CNTNAP2: variants seen among roughly 807,000 people sequenced by gnomAD.
CNTNAP2 encodes contactin associated protein 2.
A neutral mutation model predicts 155.2 loss-of-function variants in CNTNAP2; 98 were observed. That is an observed-to-expected ratio of 0.63 (90% CI 0.54 to 0.75). CNTNAP2 has a LOEUF of 0.75. CNTNAP2 is among the 30% of genes least tolerant of loss of function. The probability of loss-of-function intolerance (pLI) is 0.00; values close to 1 mark genes in which losing one functional copy is unlikely to be tolerated. For synonymous variants in CNTNAP2, 651 were observed against 631.2 expected (o/e 1.03, Z -0.47); for missense variants, 1,727 against 1,688.1 (o/e 1.02, Z -0.40).
intron 1 of CNTNAP2, among the ~76,000 whole-genome samples, chr7:146,563,012 G>A (rs1798302987): frequency 6.6e-6 from 1 of 152,148 alleles, no homozygotes; most frequent in African/African-American, 2.4e-5. Context: ...TACAGACACA[G>A]ATTAAAGTTT....
chr7:147,201,076 A>T (rs1802912778), intron 8 of CNTNAP2, among the ~76,000 whole-genome samples: 1 of 152,226 alleles, frequency 6.6e-6, no homozygotes, highest in Non-Finnish European at 1.5e-5. Context: ...AGTGGAGGCT[A>T]AAGCCTAATT....
intron 1 of CNTNAP2, among the ~76,000 whole-genome samples, chr7:146,627,659 A>G (rs1799442178): frequency 1.3e-5 from 2 of 152,152 alleles, no homozygotes; most frequent in Non-Finnish European, 2.9e-5. Context: ...CCTTCACAGT[A>G]TACATTTTGC....
chr7:147,859,835 C>A (rs1382525232), intron 13 of CNTNAP2, among the ~76,000 whole-genome samples: 1 of 152,100 alleles, frequency 6.6e-6, no homozygotes, highest in Non-Finnish European at 1.5e-5. Flanking sequence ...GTATCATTAT[C>A]CATTAAGAAA....
At chr7:148,221,247 G>A (rs918976343) in intron 19 of CNTNAP2, among the ~76,000 whole-genome samples, 1 of 152,162 alleles carries the variant, frequency 6.6e-6, no homozygotes, top group Non-Finnish European at 1.5e-5. Flanking sequence ...ATGGTGCCAT[G>A]CATTAATTCC....
intron 22 of CNTNAP2, among the ~76,000 whole-genome samples, chr7:148,405,332 C>A (rs537431832): frequency 2.0e-4 from 30 of 151,994 alleles, no homozygotes; most frequent in Admixed American, 1.7e-3. Flanking sequence ...ATTCTCCTTG[C>A]GTCATCTCAG....
At chr7:147,060,730 G>A (rs1318456517) in intron 4 of CNTNAP2, among the ~76,000 whole-genome samples, 2 of 152,152 alleles carry the variant, frequency 1.3e-5, no homozygotes, top group Non-Finnish European at 2.9e-5. Context: ...CAGGCGTGGT[G>A]GCGGGCGCCT....
chr7:148,106,493 G>GATATATATATAT lies in CNTNAP2; in HGVS notation c.2384-11609_2384-11598dup, dbSNP rs10532740. Among the ~76,000 whole-genome samples the GATATATATATAT allele has an allele frequency of 2.0e-3, 250 of 124,886 alleles. 3 individuals are homozygous for GATATATATATAT. The highest frequency in any genetic ancestry group is 7.7e-3 in the African/African-American group (224 of 28,970). 81.9% of individuals were successfully genotyped at this position (124,886 alleles called of 152,430 possible). On this transcript the variant is annotated intron_variant, in intron 15 of 23. Coordinates refer to ENST00000361727, the MANE Select transcript of CNTNAP2 (RefSeq NM_014141.6). ...CACTTCAGTGTACTGCACACTTTGA[G>GATATATATATAT]ATATATATATATATATATATATATA...
chr7:148,388,598 G>A (rs952622758), intron 22 of CNTNAP2, among the ~76,000 whole-genome samples: 3 of 152,096 alleles, frequency 2.0e-5, no homozygotes, highest in Non-Finnish European at 4.4e-5. Context: ...AGTGGAGGAG[G>A]AGAGGTGCTC....
At chr7:146,651,733 A>G (rs1393739325) in intron 1 of CNTNAP2, among the ~76,000 whole-genome samples, 1 of 152,194 alleles carries the variant, frequency 6.6e-6, no homozygotes, top group Non-Finnish European at 1.5e-5. Context: ...CACTGGCTAC[A>G]AAAACCAATG....
At chr7:148,171,315 C>G (rs929896110) in intron 17 of CNTNAP2, among the ~76,000 whole-genome samples, 1 of 152,096 alleles carries the variant, frequency 6.6e-6, no homozygotes, top group African/African-American at 2.4e-5. Context: ...CTATTTCTTT[C>G]AACAGTTTTA....
At chr7:147,293,768 A>T (rs1805361785) in intron 8 of CNTNAP2, among the ~76,000 whole-genome samples, 1 of 152,180 alleles carries the variant, frequency 6.6e-6, no homozygotes, top group African/African-American at 2.4e-5. Flanking sequence ...CAAGAGTCTT[A>T]CTTTAAAAAT....
chr7:147,323,970 C>CT lies in CNTNAP2; in HGVS notation c.1498+23688dup, dbSNP rs200783310. On this transcript the variant is annotated intron_variant, in intron 9 of 23. Coordinates refer to ENST00000361727, the MANE Select transcript of CNTNAP2 (RefSeq NM_014141.6). ...AATAATGTGGATGGTTATCTAAGAGCTTTTTTTTCTTTAGCTTAGAAAGCA... is the reference window on the plus strand; with the variant it reads ...AATAATGTGGATGGTTATCTAAGAGCTTTTTTTTTCTTTAGCTTAGAAAGCA... 6.2e-3 allele frequency among the ~76,000 whole-genome samples: 934 copies of CT among 150,988 alleles called. 10 individuals are homozygous for CT. Among genetic ancestry groups the CT allele is most frequent in the Middle Eastern group, 0.01 (3 of 294 alleles).
chr7:146,421,685 A>C (rs934943303), intron 1 of CNTNAP2, among the ~76,000 whole-genome samples: 4 of 151,964 alleles, frequency 2.6e-5, no homozygotes, highest in Admixed American at 1.3e-4. Context: ...TCAAATCCAC[A>C]TTTATTACAA....
At chr7:147,177,060 A>C (rs935492510) in intron 8 of CNTNAP2, among the ~76,000 whole-genome samples, 5 of 145,466 alleles carry the variant, frequency 3.4e-5, no homozygotes, top group Non-Finnish European at 7.5e-5. Context: ...TATTCTGTAT[A>C]ATACATACAC....
intron 13 of CNTNAP2, among the ~76,000 whole-genome samples, chr7:147,796,581 T>TA (rs777414793): frequency 0.17 from 15,081 of 87,274 alleles, 838 homozygotes; most frequent in African/African-American, 0.31. Flanking sequence ...CCAGGATTTA[T>TA]TAAAAAAAAA....
chr7:147,564,349 T>A (rs2116794118), intron 12 of CNTNAP2, among the ~76,000 whole-genome samples: 1 of 152,204 alleles, frequency 6.6e-6, no homozygotes, highest in South Asian at 2.1e-4. Context: ...AATCTAAGAG[T>A]TCACTGACAG....
chr7:146,233,893 CTT>C (rs1227107510), intron 1 of CNTNAP2, among the ~76,000 whole-genome samples: 1 of 150,316 alleles, frequency 6.7e-6, no homozygotes, highest in Non-Finnish European at 1.5e-5. Flanking sequence ...GGTTCCAAGT[CTT>C]TGCTATTGTG....
intron 3 of CNTNAP2, among the ~76,000 whole-genome samples, chr7:146,916,825 G>T (rs1479647528): frequency 6.6e-6 from 1 of 151,876 alleles, no homozygotes; most frequent in Non-Finnish European, 1.5e-5. Flanking sequence ...ATTTAGTTCT[G>T]CTCTGATCTG....
In CNTNAP2 at chr7:147,786,169, A is replaced by G. The variant is rs564112285; in HGVS notation, c.2099-117396A>G. Among the ~76,000 whole-genome samples the G allele has an allele frequency of 1.5e-4, 23 of 152,274 alleles. No homozygotes were observed. The East Asian group carries it at 4.3e-3, about 28-fold the overall frequency. On this transcript the variant is annotated intron_variant, in intron 13 of 23. Coordinates refer to ENST00000361727, the MANE Select transcript of CNTNAP2 (RefSeq NM_014141.6). ...GCTGGCGCATGCCCAGCTACTCGGG[A>G]GGCTGAGGCAGAAGAATCACTTGAA...
Sources: gnomAD v4.1 joint callset for allele counts (sites outside exome capture counted in the v4.1 genomes callset) on GRCh38, gnomAD v4.1.1 for gene constraint, MANE v1.5 for transcripts, NCBI Gene and HGNC (gene_info 2026-07-23, HGNC 2026-07-21) for gene names.